Variants in PTPRD observed in about 807,000 individuals in gnomAD.
The protein encoded by PTPRD is protein tyrosine phosphatase receptor type D.
A neutral mutation model predicts 214.5 loss-of-function variants in PTPRD; 34 were observed. That is an observed-to-expected ratio of 0.16 (90% CI 0.12 to 0.21). PTPRD has a LOEUF of 0.21. Ranked by LOEUF, PTPRD falls within the 10% of genes least tolerant of loss-of-function variation. The pLI is 1.00. For missense variants in PTPRD, 2,545 were observed against 2,398.7 expected (o/e 1.06, Z -1.27); for synonymous variants, 1,128 against 845.7 (o/e 1.33, Z -5.79).
chr9:9,192,573 A>C (rs577469373), intron 9 of PTPRD, among the ~76,000 whole-genome samples: 200 of 152,284 alleles, frequency 1.3e-3, no homozygotes, highest in Non-Finnish European at 2.2e-3. Flanking sequence ...TTACTACAAA[A>C]GACTCTGTCT....
intron 3 of PTPRD, among the ~76,000 whole-genome samples, chr9:10,278,416 C>A (rs2094858524): frequency 6.6e-6 from 1 of 152,086 alleles, no homozygotes; most frequent in Admixed American, 6.5e-5. Context: ...AGCTTGAGGT[C>A]AGTAGAGGGA....
intron 2 of PTPRD, among the ~76,000 whole-genome samples, chr9:10,571,463 T>A (rs148400949): frequency 8.4e-4 from 128 of 152,290 alleles, no homozygotes; most frequent in Non-Finnish European, 1.2e-3. Flanking sequence ...TTCCATGATA[T>A]AGTAAAGAAA....
intron 11 of PTPRD, among the ~76,000 whole-genome samples, chr9:8,843,495 C>T (rs774052460): frequency 3.3e-5 from 5 of 152,126 alleles, no homozygotes; most frequent in Non-Finnish European, 5.9e-5. Flanking sequence ...TAGTGCAACA[C>T]GGGAAACGTT....
At chr9:10,039,860 G>A (rs2097263602) in intron 3 of PTPRD, among the ~76,000 whole-genome samples, 1 of 152,002 alleles carries the variant, frequency 6.6e-6, no homozygotes, top group Non-Finnish European at 1.5e-5. Flanking sequence ...ACAATATTAT[G>A]TCTGTTTGGC....
chr9:8,324,475 C>T (rs897974119), intron 44 of PTPRD, among the ~76,000 whole-genome samples: 7 of 152,060 alleles, frequency 4.6e-5, no homozygotes, highest in African/African-American at 7.3e-5. Context: ...GTATATGTGC[C>T]GCATTTTCTT....
chr9:9,643,690 C>T (rs988508536), intron 7 of PTPRD, among the ~76,000 whole-genome samples: 1 of 152,164 alleles, frequency 6.6e-6, no homozygotes, highest in Non-Finnish European at 1.5e-5. Context: ...AAAAGCCCTG[C>T]TTCCTTTGTC....
chr9:8,504,841 T>C (rs1009241223), intron 22 of PTPRD, among the ~76,000 whole-genome samples: 9 of 152,176 alleles, frequency 5.9e-5, no homozygotes, highest in African/African-American at 1.9e-4. Context: ...TCCCATGACC[T>C]TCTGAAATCT....
At chr9:9,691,908 C>T (rs2097278529) in intron 7 of PTPRD, among the ~76,000 whole-genome samples, 1 of 151,946 alleles carries the variant, frequency 6.6e-6, no homozygotes, top group Non-Finnish European at 1.5e-5. Flanking sequence ...ACCTGTTTGC[C>T]ATTTGTATGC....
At chr9:9,242,343 G>T (rs1325567644) in intron 9 of PTPRD, among the ~76,000 whole-genome samples, 1 of 152,040 alleles carries the variant, frequency 6.6e-6, no homozygotes, top group Non-Finnish European at 1.5e-5. Context: ...TCTTCTCAAG[G>T]AGTATCTTTG....
At position 9,760,606 on chromosome 9, in the gene PTPRD, ACACACACAC is replaced by A. The variant is rs1196398742; in HGVS notation, c.-326+6195_-326+6203del. Among the ~76,000 whole-genome samples the A allele has an allele frequency of 3.5e-4, 11 of 31,738 alleles. No individual in the cohort carries two copies. The African/African-American group carries it at 3.6e-3, about 10-fold the overall frequency. The allele number at this position is 31,738 out of a possible 152,430, so 20.8% of individuals were successfully genotyped here. On this transcript the variant is annotated intron_variant, in intron 6 of 45. Transcript: ENST00000381196. ...ATCTTTACTCAGCTATCATACACAC[ACACACACAC>A]ACACACACACACACACACACACACA...
intron 11 of PTPRD, among the ~76,000 whole-genome samples, chr9:8,754,473 A>C (rs2093808921): frequency 6.6e-6 from 1 of 152,196 alleles, no homozygotes. Flanking sequence ...CAGATGATTT[A>C]TACACAGCTA....
intron 7 of PTPRD, among the ~76,000 whole-genome samples, chr9:9,726,654 C>A (rs1345546372): frequency 6.6e-6 from 1 of 152,148 alleles, no homozygotes; most frequent in African/African-American, 2.4e-5. Context: ...TCAGCATCAA[C>A]TAGAAAATAG....
chr9:10,493,260 A>G (rs28446137), intron 2 of PTPRD, among the ~76,000 whole-genome samples: 2,528 of 152,220 alleles, frequency 0.017, 61 homozygotes, highest in African/African-American at 0.058. Context: ...CTAATTTCAC[A>G]TGGAACCAAA....
At chr9:10,515,826 T>C (rs2049903661) in intron 2 of PTPRD, among the ~76,000 whole-genome samples, 1 of 151,978 alleles carries the variant, frequency 6.6e-6, no homozygotes, top group Non-Finnish European at 1.5e-5. Context: ...CTTGGAATCA[T>C]GCAGTATTTG....
rs554089762 is a variant in PTPRD, at chr9:8,559,427, T to C, written c.353-30648A>G. ...TCATATTGTATCATGTGCAATCAAA[T>C]TTTACTTAATGCAATTCACTATCAC... On this transcript the variant is annotated intron_variant, in intron 14 of 45. Transcript: ENST00000381196. Among the ~76,000 whole-genome samples the C allele has an allele frequency of 3.3e-5, 5 of 152,334 alleles. No homozygotes were observed. The East Asian group carries it at 9.6e-4, about 29-fold the overall frequency.
intron 2 of PTPRD, among the ~76,000 whole-genome samples, chr9:10,417,184 A>G (rs949533035): frequency 6.6e-6 from 1 of 151,904 alleles, no homozygotes; most frequent in Non-Finnish European, 1.5e-5. Context: ...GGAAGGGATG[A>G]TATTGAAGGA....
chr9:9,607,656 C>T (rs1459143679), intron 7 of PTPRD, among the ~76,000 whole-genome samples: 1 of 151,886 alleles, frequency 6.6e-6, no homozygotes, highest in Non-Finnish European at 1.5e-5. Flanking sequence ...TCCTGCAAAC[C>T]CTTATCATTC....
At chr9:8,758,299 ACT>A (rs1320156858) in intron 11 of PTPRD, among the ~76,000 whole-genome samples, 1 of 152,192 alleles carries the variant, frequency 6.6e-6, no homozygotes, top group Non-Finnish European at 1.5e-5. Context: ...ATGTAGTACC[ACT>A]CTAGATGCAT....
chr9:10,210,861 T>G (rs1203060819), intron 3 of PTPRD, among the ~76,000 whole-genome samples: 1 of 143,290 alleles, frequency 7.0e-6, no homozygotes, highest in Admixed American at 7.2e-5. Flanking sequence ...CACTTCTTAC[T>G]CTGCTTGAAC....
Sources: allele counts gnomAD v4.1 joint callset (sites outside exome capture counted in the v4.1 genomes callset), GRCh38; gene constraint gnomAD v4.1.1; transcripts MANE v1.5; gene names NCBI Gene and HGNC (gene_info 2026-07-23, HGNC 2026-07-21).